LINC00632: variants seen among roughly 807,000 people sequenced by gnomAD.
The protein encoded by LINC00632 is long independently transcribed non-coding RNA 632.
chrX:140,724,209 A>G (rs796800159), intron 2 of LINC00632, among the ~76,000 whole-genome samples: 3 of 56,711 alleles, frequency 5.3e-5, no homozygotes, highest in African/African-American at 1.7e-4. Flanking sequence ...CACACATTCC[A>G]TACACAGACA....
exon 5 of LINC00632, among the ~76,000 whole-genome samples, chrX:140,790,526 G>C: frequency 9.1e-6 from 1 of 109,921 alleles, no homozygotes; most frequent in Non-Finnish European, 1.9e-5. Flanking sequence ...AGAATTTTTC[G>C]CTATTCTTGT....
At chrX:140,748,478 C>T (rs1931361357) in intron 3 of LINC00632, among the ~76,000 whole-genome samples, 1 of 111,296 alleles carries the variant, frequency 9.0e-6, no homozygotes, top group Admixed American at 9.7e-5. Context: ...CTTTCTCTTC[C>T]CTCAACCTAA....
At chrX:140,716,818 C>G (rs1602731482) in intron 2 of LINC00632, among the ~76,000 whole-genome samples, 1 of 99,790 alleles carries the variant, frequency 1.0e-5, no homozygotes, top group African/African-American at 3.5e-5. Context: ...CACACACAGA[C>G]ACACACACAT....
intron 3 of LINC00632, among the ~76,000 whole-genome samples, chrX:140,748,798 TATATG>T (rs1188314921): frequency 4.7e-5 from 5 of 106,170 alleles, no homozygotes; most frequent in East Asian, 2.9e-4. Context: ...ATATATTTTA[TATATG>T]ATATATTTTA....
chrX:140,787,925 T>C (rs1354337536), exon 5 of LINC00632, among the ~76,000 whole-genome samples: 1 of 110,814 alleles, frequency 9.0e-6, no homozygotes, highest in Non-Finnish European at 1.9e-5. Context: ...TAAATCATGG[T>C]ATATTTCACG....
At chrX:140,751,754 A>G (rs1249981357) in intron 3 of LINC00632, among the ~76,000 whole-genome samples, 1 of 111,672 alleles carries the variant, frequency 9.0e-6, no homozygotes, top group Non-Finnish European at 1.9e-5. Flanking sequence ...AATATTACTA[A>G]ATGTCTTGGG....
chrX:140,750,617 A>C (rs1931397515), intron 3 of LINC00632, among the ~76,000 whole-genome samples: 1 of 111,185 alleles, frequency 9.0e-6, no homozygotes, highest in Non-Finnish European at 1.9e-5. Context: ...ATGTCTATTG[A>C]TAGAGGACTG....
exon 5 of LINC00632, among the ~76,000 whole-genome samples, chrX:140,785,320 G>A (rs1014257340): frequency 9.0e-6 from 1 of 111,481 alleles, no homozygotes; most frequent in Non-Finnish European, 1.9e-5. Flanking sequence ...ATTGAAGCTA[G>A]GTACCATCAT....
Position 140,723,772 on chromosome X carries a change from C to A in LINC00632, n.105-10106C>A, listed in dbSNP as rs1306334275. 2.0e-3 allele frequency among the ~76,000 whole-genome samples: 17 copies of A among 8,529 alleles called. No homozygotes were observed. The Admixed American group carries it at 0.023, about 11-fold the overall frequency. 7.4% of individuals were successfully genotyped at this position (8,529 alleles called of 115,157 possible). ...TCCATACACACACATATTCCATACACACACATTCCATACACACATACATAC... is the reference window on the plus strand; with the variant it reads ...TCCATACACACACATATTCCATACAAACACATTCCATACACACATACATAC... On this transcript the variant is annotated intron_variant and non_coding_transcript_variant, in intron 2 of 4. Transcript: ENST00000648200.
At chrX:140,744,457 G>A (rs1378546379) in intron 3 of LINC00632, among the ~76,000 whole-genome samples, 3 of 108,712 alleles carry the variant, frequency 2.8e-5, no homozygotes, top group Non-Finnish European at 3.8e-5. Context: ...CTGGTAGTGG[G>A]AAACATTCTC....
chrX:140,780,878 A>C (rs906715393), exon 5 of LINC00632, among the ~76,000 whole-genome samples: 5 of 110,791 alleles, frequency 4.5e-5, no homozygotes, highest in African/African-American at 1.6e-4. Context: ...ACTTACCTGC[A>C]TAACTGTATT....
chrX:140,738,219 G>C (rs2148387853), intron 3 of LINC00632, among the ~76,000 whole-genome samples: 1 of 111,586 alleles, frequency 9.0e-6, no homozygotes, highest in African/African-American at 3.2e-5. Context: ...GGTGTTCTTA[G>C]GTAGATTCAT....
At chrX:140,718,799 G>A (rs1930681660) in intron 2 of LINC00632, among the ~76,000 whole-genome samples, 1 of 111,762 alleles carries the variant, frequency 8.9e-6, no homozygotes, top group Admixed American at 9.6e-5. Flanking sequence ...AGCTAGACAC[G>A]CTACAATGCA....
intron 2 of LINC00632, among the ~76,000 whole-genome samples, chrX:140,717,814 T>C (rs149098481): frequency 0.013 from 1,493 of 111,554 alleles, 25 homozygotes; most frequent in African/African-American, 0.045. Context: ...AATAATGTAA[T>C]AGGGGTACTT....
chrX:140,776,555 C>G (rs1260919362), exon 5 of LINC00632, among the ~76,000 whole-genome samples: 2 of 112,984 alleles, frequency 1.8e-5, no homozygotes, highest in African/African-American at 6.4e-5. Flanking sequence ...CGTGACCACC[C>G]ACTCCGGGGG....
chrX:140,720,999 C>T (rs561460629), intron 2 of LINC00632, among the ~76,000 whole-genome samples: 12 of 110,645 alleles, frequency 1.1e-4, no homozygotes, highest in South Asian at 3.9e-4. Context: ...CCAGATCTAC[C>T]CCCACCTAAC....
intron 2 of LINC00632, among the ~76,000 whole-genome samples, chrX:140,714,996 C>T (rs1930599148): frequency 9.0e-6 from 1 of 111,214 alleles, no homozygotes; most frequent in South Asian, 3.8e-4. Context: ...TCAAACTCCT[C>T]AGACACACTC....
chrX:140,728,540 C>T (rs992205032), intron 2 of LINC00632, among the ~76,000 whole-genome samples: 36 of 110,587 alleles, frequency 3.3e-4, no homozygotes, highest in Non-Finnish European at 1.1e-4. Flanking sequence ...CGCTCCTCAC[C>T]AGGCATGCCT....
intron 3 of LINC00632, chrX:140,764,650 G>C (rs1931655264): frequency 8.9e-6 from 1 of 112,190 alleles, no homozygotes; most frequent in African/African-American, 3.2e-5. Flanking sequence ...CCCAGAGAGG[G>C]GAGGCGGTTA....
Sources: allele counts gnomAD v4.1 joint callset (sites outside exome capture counted in the v4.1 genomes callset), GRCh38; gene constraint gnomAD v4.1.1; transcripts MANE v1.5; gene names NCBI Gene and HGNC (gene_info 2026-07-23, HGNC 2026-07-21).